The following CTNND2 variants were observed in gnomAD, a reference collection of about 807,000 sequenced individuals.
The protein encoded by CTNND2 is catenin delta 2.
A neutral mutation model predicts 144.4 loss-of-function variants in CTNND2; 22 were observed. That is an observed-to-expected ratio of 0.15 (90% CI 0.11 to 0.22). The LOEUF (loss-of-function observed/expected upper bound fraction) is 0.22. Ranked by LOEUF, CTNND2 falls within the 10% of genes least tolerant of loss-of-function variation. The pLI is 1.00. For missense variants in CTNND2, 1,353 were observed against 1,618.8 expected, an observed-to-expected ratio of 0.84 and a Z score of 2.82; for synonymous variants, 751 against 695.6, an observed-to-expected ratio of 1.08 and a Z score of -1.25.
At chr5:11,675,402 T>C (rs1298998742) in intron 2 of CTNND2, among the ~76,000 whole-genome samples, 1 of 152,094 alleles carries the variant, frequency 6.6e-6, no homozygotes, top group East Asian at 1.9e-4. Flanking sequence ...CAAGTAGGGA[T>C]GAATGCCATT....
intron 9 of CTNND2, among the ~76,000 whole-genome samples, chr5:11,242,207 G>A (rs186692696): frequency 4.6e-5 from 7 of 152,236 alleles, no homozygotes; most frequent in African/African-American, 1.4e-4. Flanking sequence ...TAACGTGAGC[G>A]CATACTAAAA....
intron 12 of CTNND2, among the ~76,000 whole-genome samples, chr5:11,153,775 G>C (rs1757964074): frequency 6.7e-6 from 1 of 149,924 alleles, no homozygotes; most frequent in African/African-American, 2.4e-5. Flanking sequence ...ACTGAAGTGG[G>C]AATAGAATAA....
At chr5:11,308,915 G>C (rs1187403470) in intron 9 of CTNND2, among the ~76,000 whole-genome samples, 3 of 152,188 alleles carry the variant, frequency 2.0e-5, no homozygotes, top group African/African-American at 7.2e-5. Context: ...AGGGGAAGCA[G>C]GCACGTCTTA....
chr5:11,229,002 C>G (rs245137), intron 10 of CTNND2, among the ~76,000 whole-genome samples: 1 of 152,154 alleles, frequency 6.6e-6, no homozygotes, highest in African/African-American at 2.4e-5. Flanking sequence ...AGAATTCTTA[C>G]CTTGGGCCTG....
intron 9 of CTNND2, among the ~76,000 whole-genome samples, chr5:11,288,049 T>C (rs1022619769): frequency 9.2e-5 from 14 of 152,332 alleles, no homozygotes; most frequent in Non-Finnish European, 2.1e-4. Context: ...ATGTCAGACA[T>C]CATTCAGGTA....
At position 11,778,712 on chromosome 5, in the gene CTNND2, C is replaced by T. The variant is rs1247125703; in HGVS notation, c.38-46440G>A. Reference sequence around the variant, plus strand: ...AGTAATGTGGTGTCCTGAATGGGATCTGGAAAAGGAAAAGGATACTGGAGA... The same window carrying T: ...AGTAATGTGGTGTCCTGAATGGGATTTGGAAAAGGAAAAGGATACTGGAGA... On this transcript the variant is annotated intron_variant, in intron 1 of 21. Transcript: ENST00000304623. Among the ~76,000 whole-genome samples the T allele has an allele frequency of 7.9e-5, 12 of 152,196 alleles. No individual in the cohort carries two copies. In the East Asian group the frequency reaches 2.1e-3, roughly 27 times the overall value.
intron 1 of CTNND2, among the ~76,000 whole-genome samples, chr5:11,878,740 C>T (rs548047535): frequency 2.0e-5 from 3 of 152,294 alleles, no homozygotes; most frequent in African/African-American, 7.2e-5. Flanking sequence ...TGTGGAGACT[C>T]ACTCTAGTCC....
chr5:11,853,870 G>A (rs1031979871), intron 1 of CTNND2, among the ~76,000 whole-genome samples: 3 of 152,074 alleles, frequency 2.0e-5, no homozygotes, highest in African/African-American at 7.2e-5. Flanking sequence ...CGTCTGAGCC[G>A]CCATCATGAG....
intron 11 of CTNND2, among the ~76,000 whole-genome samples, chr5:11,181,398 C>T (rs1760979840): frequency 6.6e-6 from 1 of 152,122 alleles, no homozygotes; most frequent in Non-Finnish European, 1.5e-5. Context: ...CATGTGGGGC[C>T]ACTTTGCCCG....
intron 3 of CTNND2, among the ~76,000 whole-genome samples, chr5:11,508,011 T>C (rs1561491033): frequency 6.6e-6 from 1 of 151,728 alleles, no homozygotes; most frequent in Non-Finnish European, 1.5e-5. Context: ...TGGTCGGCAT[T>C]AGCTGCAGAG....
chr5:11,744,679 G>C (rs1445826981), intron 1 of CTNND2, among the ~76,000 whole-genome samples: 2 of 14,646 alleles, frequency 1.4e-4, no homozygotes, highest in African/African-American at 2.0e-4. Context: ...GTGTGTGTGT[G>C]TGTGTTTGTG....
intron 1 of CTNND2, among the ~76,000 whole-genome samples, chr5:11,787,310 G>A (rs1017896729): frequency 6.6e-6 from 1 of 152,176 alleles, no homozygotes; most frequent in African/African-American, 2.4e-5. Context: ...CTCCAATTAT[G>A]TTAACAACTC....
chr5:11,681,016 G>T (rs1039028978), intron 2 of CTNND2, among the ~76,000 whole-genome samples: 1 of 151,900 alleles, frequency 6.6e-6, no homozygotes. Context: ...GGAGGGCTGG[G>T]CTGCTGATGC....
At position 11,653,070 on chromosome 5, in the gene CTNND2, CGTGTGTGTGTGTGTGTGT is replaced by C. The variant is rs58056553; in HGVS notation, c.174+79048_174+79065del. Among the ~76,000 whole-genome samples the C allele has an allele frequency of 1.2e-3, 179 of 143,580 alleles. 1 individual carries two copies. Among genetic ancestry groups the C allele is most frequent in the Middle Eastern group, 6.9e-3 (2 of 290 alleles). The allele number at this position is 143,580 out of a possible 152,430, so 94.2% of individuals were successfully genotyped here. A position where few individuals can be genotyped will look rare whatever the true frequency, so the allele number is the denominator to read the frequency against. ...TTCTTTTTTAAGGCTGAACAAAATT[CGTGTGTGTGTGTGTGTGT>C]GTGTGTGTGTGTGTGTGTGTGTGTG... On this transcript the variant is annotated intron_variant, in intron 2 of 21. Coordinates refer to ENST00000304623, the MANE Select transcript of CTNND2 (RefSeq NM_001332.4).
intron 10 of CTNND2, among the ~76,000 whole-genome samples, chr5:11,200,880 C>T (rs965344830): frequency 1.3e-5 from 2 of 151,932 alleles, no homozygotes; most frequent in Non-Finnish European, 2.9e-5. Context: ...AGGGTTTCAC[C>T]GTATTAACCA....
chr5:11,001,847 G>C (rs1272261995), intron 18 of CTNND2, among the ~76,000 whole-genome samples: 1 of 148,130 alleles, frequency 6.8e-6, no homozygotes, highest in African/African-American at 2.7e-5. Flanking sequence ...CCATGTTTCA[G>C]TGTGAGTACA....
intron 10 of CTNND2, among the ~76,000 whole-genome samples, chr5:11,235,982 C>T (rs1340957686): frequency 1.3e-5 from 2 of 152,200 alleles, no homozygotes; most frequent in Non-Finnish European, 2.9e-5. Context: ...AAAATGACTA[C>T]TCAGTTCCTT....
chr5:11,606,664 T>G (rs915089095), intron 2 of CTNND2, among the ~76,000 whole-genome samples: 20 of 152,140 alleles, frequency 1.3e-4, no homozygotes, highest in African/African-American at 4.6e-4. Context: ...AGGTGAGGGC[T>G]GGAGGCATCA....
chr5:11,483,937 C>T (rs1768537523), intron 3 of CTNND2, among the ~76,000 whole-genome samples: 1 of 152,154 alleles, frequency 6.6e-6, no homozygotes, highest in Non-Finnish European at 1.5e-5. Flanking sequence ...ACAAGTGACT[C>T]AGGTGGGAGA....
Sources: allele counts gnomAD v4.1 joint callset (sites outside exome capture counted in the v4.1 genomes callset), GRCh38; gene constraint gnomAD v4.1.1; transcripts MANE v1.5; gene names NCBI Gene and HGNC (gene_info 2026-07-23, HGNC 2026-07-21).